The following KIAA1549L variants were observed in gnomAD, a reference collection of about 807,000 sequenced individuals.
The protein encoded by KIAA1549L is UPF0606 protein KIAA1549L.
In KIAA1549L, 88 loss-of-function variants were observed where a neutral mutation model predicts 160.7. That is an observed-to-expected ratio of 0.55 (90% confidence interval 0.46 to 0.65). KIAA1549L has a LOEUF of 0.65. Among genes scored for constraint, KIAA1549L ranks in the 30% least tolerant of loss-of-function variants. The pLI, the probability that KIAA1549L is intolerant of heterozygous loss-of-function variation, is 0.00. For synonymous variants in KIAA1549L, 950 were observed against 976.7 expected (o/e 0.97, Z 0.51); for missense variants, 2,258 against 2,437.5 (o/e 0.93, Z 1.55).
intron 16 of KIAA1549L, among the ~76,000 whole-genome samples, chr11:33,626,404 C>A (rs1851114200): frequency 6.7e-6 from 1 of 148,688 alleles, no homozygotes. Context: ...ATGGAATATT[C>A]TTCCATTTGT....
chr11:33,436,831 G>T (rs984959079), intron 1 of KIAA1549L, among the ~76,000 whole-genome samples: 1 of 152,148 alleles, frequency 6.6e-6, no homozygotes, highest in Non-Finnish European at 1.5e-5. Flanking sequence ...CAGGAAAGGG[G>T]AGAAGTGAAG....
chr11:33,606,872 A>G (rs745746973), intron 14 of KIAA1549L, 50 bp downstream of exon 14: 1 of 1,479,486 alleles, frequency 6.8e-7, no homozygotes, highest in Non-Finnish European at 9.1e-7. Flanking sequence ...AGACTTGGGA[A>G]ATTCGGACGA....
rs149671694 is a variant in KIAA1549L at position 33,464,398 on chromosome 11, T to G, written c.239-77404T>G. Among the ~76,000 whole-genome samples the G allele has an allele frequency of 1.6e-3, 247 of 152,212 alleles. 1 individual carries two copies. The highest frequency in any genetic ancestry group is 5.7e-3 in the African/African-American group (236 of 41,524). On this transcript the variant is annotated intron_variant, in intron 1 of 20. Transcript: ENST00000658780. The stretch of plus-strand genomic sequence containing the variant: ...GATGAGTAAGACTTGAGTCTCTCGC[T>G]TATATCCTAGTGGAGAATGCAGATA...
At chr11:33,491,658 A>T (rs140283927) in intron 1 of KIAA1549L, among the ~76,000 whole-genome samples, 1 of 152,266 alleles carries the variant, frequency 6.6e-6, no homozygotes, top group Non-Finnish European at 1.5e-5. Context: ...TAATTTTTCT[A>T]TAGAAGAAGC....
At chr11:33,473,335 G>C (rs529040574) in intron 1 of KIAA1549L, among the ~76,000 whole-genome samples, 2 of 152,286 alleles carry the variant, frequency 1.3e-5, no homozygotes, top group South Asian at 4.2e-4. Context: ...AAACCCAGGT[G>C]CTGAAGAAGC....
chr11:33,644,945 C>T (rs2133403188), intron 16 of KIAA1549L, among the ~76,000 whole-genome samples: 1 of 152,368 alleles, frequency 6.6e-6, no homozygotes, highest in African/African-American at 2.4e-5. Context: ...AGCAGGCAAG[C>T]ACGAGACCGT....
In KIAA1549L at chr11:33,670,211, C is replaced by CATTG. The variant is rs1852626179; in HGVS notation, c.*2057_*2058insATTG. On this transcript the variant is annotated 3_prime_UTR_variant, in exon 21 of 21. Transcript: ENST00000658780. ...TATTTCATTAGTGCAATGATATCAA[C>CATTG]CAGTACTTTGTCTACTTGGTAAATG... The CATTG allele has an allele frequency of 1.3e-5, 2 of 152,220 alleles. No homozygotes were observed. Among genetic ancestry groups the CATTG allele is most frequent in the African/African-American group, 4.8e-5 (2 of 41,450 alleles). 9.4% of individuals were successfully genotyped at this position (152,220 alleles called of 1,614,324 possible).
intron 16 of KIAA1549L, among the ~76,000 whole-genome samples, chr11:33,641,631 TATAC>T (rs1851589105): frequency 4.4e-5 from 4 of 91,010 alleles, no homozygotes; most frequent in Admixed American, 1.4e-4. Context: ...TATATATATA[TATAC>T]ACAGTGGGTA....
chr11:33,552,708 GTTTTATATTGAAGTC>G (rs1854508618), intron 6 of KIAA1549L, among the ~76,000 whole-genome samples: 1 of 140,958 alleles, frequency 7.1e-6, no homozygotes, highest in Non-Finnish European at 1.5e-5. Flanking sequence ...ACACACATGC[GTTTTATATTGAAGTC>G]TTTACTATGT....
At chr11:33,579,662 AG>A (rs1404622462) in intron 10 of KIAA1549L, among the ~76,000 whole-genome samples, 1 of 152,200 alleles carries the variant, frequency 6.6e-6, no homozygotes, top group African/African-American at 2.4e-5. Flanking sequence ...TGGGAATTCA[AG>A]CCTAGAACTC....
intron 1 of KIAA1549L, among the ~76,000 whole-genome samples, chr11:33,413,495 A>G (rs2134090827): frequency 6.6e-6 from 1 of 151,870 alleles, no homozygotes; most frequent in Non-Finnish European, 1.5e-5. Flanking sequence ...TGGCCTATGA[A>G]GCATGGTTTT....
intron 1 of KIAA1549L, among the ~76,000 whole-genome samples, chr11:33,476,755 G>C (rs1445928339): frequency 6.6e-6 from 1 of 152,104 alleles, no homozygotes; most frequent in Non-Finnish European, 1.5e-5. Context: ...CCTTAGAGGG[G>C]CACAAAAATG....
At chr11:33,396,950 CAA>C (rs112460980) in intron 1 of KIAA1549L, among the ~76,000 whole-genome samples, 12 of 105,256 alleles carry the variant, frequency 1.1e-4, no homozygotes, top group Admixed American at 1.9e-4. Context: ...ACTCTGTGTC[CAA>C]AAAAAAAAAA....
In KIAA1549L at chr11:33,392,639, C is replaced by T. The variant is rs117183317; in HGVS notation, c.238+15750C>T. ...GCAGACATTCCCATCTCTTCTCACTCGCCCCACCCAATCCAAGCAACCATG... is the reference window on the plus strand; with the variant it reads ...GCAGACATTCCCATCTCTTCTCACTTGCCCCACCCAATCCAAGCAACCATG... On this transcript the variant is annotated intron_variant, in intron 1 of 20. Coordinates refer to ENST00000658780, the MANE Select transcript of KIAA1549L (RefSeq NM_012194.3). Among the ~76,000 whole-genome samples, 1,042 of 152,282 alleles carry T rather than the reference C, an allele frequency of 6.8e-3. 14 individuals are homozygous for T. The highest frequency in any genetic ancestry group is 8.6e-3 in the Non-Finnish European group (586 of 68,022).
At chr11:33,621,543 G>A (rs769634810) in intron 16 of KIAA1549L, among the ~76,000 whole-genome samples, 4 of 152,016 alleles carry the variant, frequency 2.6e-5, no homozygotes, top group Non-Finnish European at 5.9e-5. Context: ...GTATAAAGCA[G>A]GTAGAAAAGA....
chr11:33,477,110 G>A (rs1852302490), intron 1 of KIAA1549L, among the ~76,000 whole-genome samples: 1 of 152,202 alleles, frequency 6.6e-6, no homozygotes, highest in African/African-American at 2.4e-5. Context: ...TAACACTTCA[G>A]TATCTATGCA....
intron 10 of KIAA1549L, among the ~76,000 whole-genome samples, chr11:33,576,900 C>T (rs144304955): frequency 1.1e-4 from 16 of 152,152 alleles, no homozygotes; most frequent in African/African-American, 3.4e-4. Flanking sequence ...TAGACATCCA[C>T]GTGGATCTCA....
intron 1 of KIAA1549L, among the ~76,000 whole-genome samples, chr11:33,528,604 A>G (rs1482422731): frequency 6.6e-6 from 1 of 152,270 alleles, no homozygotes; most frequent in African/African-American, 2.4e-5. Context: ...GAGTGGATAA[A>G]GAAAAAGATA....
At chr11:33,518,076 T>C (rs1319039355) in intron 1 of KIAA1549L, among the ~76,000 whole-genome samples, 2 of 137,278 alleles carry the variant, frequency 1.5e-5, no homozygotes, top group African/African-American at 2.8e-5. Flanking sequence ...GAGGCAGAGG[T>C]TGCAGTGAGC....
Sources: gnomAD v4.1 joint callset for allele counts (sites outside exome capture counted in the v4.1 genomes callset) on GRCh38, gnomAD v4.1.1 for gene constraint, MANE v1.5 for transcripts, NCBI Gene and HGNC (gene_info 2026-07-23, HGNC 2026-07-21) for gene names.